SDK1: variants seen among roughly 807,000 people sequenced by gnomAD.
SDK1 encodes sidekick cell adhesion molecule 1.
Under a neutral mutation model 245.5 loss-of-function variants are expected in SDK1, and 157 were observed. The observed-to-expected ratio is 0.64, with a 90% CI of 0.56 to 0.73. The LOEUF is 0.73. Among genes scored for constraint, SDK1 ranks in the 30% least tolerant of loss-of-function variants. The pLI is 0.00. For synonymous variants in SDK1, 1,647 were observed against 1,278.5 expected, an observed-to-expected ratio of 1.29 and a Z score of -6.15; for missense variants, 3,583 against 3,002.3, an observed-to-expected ratio of 1.19 and a Z score of -4.52.
At chr7:3,796,070 C>CT (rs1778954425) in intron 4 of SDK1, among the ~76,000 whole-genome samples, 1 of 152,188 alleles carries the variant, frequency 6.6e-6, no homozygotes, top group African/African-American at 2.4e-5. Context: ...TAGTCTTTCT[C>CT]TTTCTTTGGC....
chr7:3,742,542 A>G (rs1212539530), intron 4 of SDK1, among the ~76,000 whole-genome samples: 1 of 152,158 alleles, frequency 6.6e-6, no homozygotes, highest in Admixed American at 6.5e-5. Context: ...GCCTTCATAC[A>G]GTCTGCCACC....
At chr7:3,564,382 G>C (rs1388178521) in intron 1 of SDK1, among the ~76,000 whole-genome samples, 1 of 152,036 alleles carries the variant, frequency 6.6e-6, no homozygotes, top group Non-Finnish European at 1.5e-5. Context: ...CAGCTGCTTT[G>C]GGAGGCCGAG....
chr7:3,354,934 A>G lies in SDK1; in HGVS notation c.298+53050A>G, dbSNP rs531420140. Among the ~76,000 whole-genome samples, 3 of 152,368 alleles carry G rather than the reference A, an allele frequency of 2.0e-5. No individual in the cohort carries two copies. The East Asian group carries it at 5.8e-4, about 29-fold the overall frequency. ...AGATGCTTAAAATAATCCACCAGCC[A>G]ACACTCACTACATGTGAAAGTGGTT... On this transcript the variant is annotated intron_variant, in intron 1 of 44. Coordinates refer to ENST00000404826, the MANE Select transcript of SDK1 (RefSeq NM_152744.4).
rs1787368479 is a variant in SDK1 at position 4,026,635 on chromosome 7, A to G, written c.2602+9283A>G. Among the ~76,000 whole-genome samples, 1 of 152,210 alleles carries G rather than the reference A, an allele frequency of 6.6e-6. No homozygotes were observed. On this transcript the variant is annotated intron_variant, in intron 17 of 44. Transcript: ENST00000404826. This position sits in a 1 kb window ranked among gnomAD's most constrained non-coding sequence, Gnocchi z 4.1. ...CACAAAACTTTTTAAGTGTTAAAGT[A>G]TTTTCTTCTGAAGGCCATCAGAAAA... is the stretch of plus-strand genomic sequence containing the variant.
chr7:3,731,974 T>A (rs1779191639), intron 4 of SDK1, among the ~76,000 whole-genome samples: 1 of 152,134 alleles, frequency 6.6e-6, no homozygotes, highest in African/African-American at 2.4e-5. Flanking sequence ...GTATTTTTAG[T>A]AGAGATGGGG....
intron 20 of SDK1, among the ~76,000 whole-genome samples, chr7:4,074,916 A>ATTTTTTTTTT (rs55899344): frequency 6.3e-4 from 41 of 64,586 alleles, no homozygotes; most frequent in African/African-American, 4.3e-3. Flanking sequence ...ATATATATAT[A>ATTTTTTTTTT]TTTTTTTTTT....
At position 3,399,608 on chromosome 7, in the gene SDK1, G is replaced by A. The variant is rs138778055; in HGVS notation, c.298+97724G>A. Among the ~76,000 whole-genome samples, 26 of 152,204 alleles carry A rather than the reference G, an allele frequency of 1.7e-4. No homozygotes were observed. The East Asian group carries it at 3.3e-3, about 19-fold the overall frequency. ...CTGTTGATAAGGCTGCTGTTACTTC[G>A]TATAGTGACTTCTCTGGACTAATCT... is the stretch of plus-strand genomic sequence containing the variant. On this transcript the variant is annotated intron_variant, in intron 1 of 44. Coordinates refer to ENST00000404826, the MANE Select transcript of SDK1 (RefSeq NM_152744.4).
chr7:4,125,923 TC>T (rs1228853894), intron 25 of SDK1, among the ~76,000 whole-genome samples: 1 of 152,090 alleles, frequency 6.6e-6, no homozygotes, highest in Non-Finnish European at 1.5e-5. Flanking sequence ...CATCTCCAGC[TC>T]CCACCCTGAG....
At chr7:3,595,692 A>G (rs56669571) in intron 1 of SDK1, among the ~76,000 whole-genome samples, 17,848 of 151,820 alleles carry the variant, frequency 0.12, 1,739 homozygotes, top group East Asian at 0.35. Context: ...GAACTAGTCA[A>G]AGTTACCAGT....
In SDK1 at chr7:3,339,721, C is replaced by T. The variant is rs570337918; in HGVS notation, c.298+37837C>T. Among the ~76,000 whole-genome samples, 7 of 152,036 alleles carry T rather than the reference C, an allele frequency of 4.6e-5. No individual in the cohort carries two copies. In the South Asian group the frequency reaches 1.5e-3, roughly 32 times the overall value. On this transcript the variant is annotated intron_variant, in intron 1 of 44. Coordinates refer to ENST00000404826, the MANE Select transcript of SDK1 (RefSeq NM_152744.4). ...ATGTTATTAAATATGTGGGATGTAG[C>T]TTAAAGCAGTCCCAAGAGGGAAATT... is the stretch of plus-strand genomic sequence containing the variant.
chr7:3,511,756 T>C (rs1264744544), intron 1 of SDK1, among the ~76,000 whole-genome samples: 1 of 151,662 alleles, frequency 6.6e-6, no homozygotes, highest in Non-Finnish European at 1.5e-5. Context: ...AAATCAACCA[T>C]TATTTTACCA....
chr7:3,464,841 A>G (rs1780944448), intron 1 of SDK1, among the ~76,000 whole-genome samples: 1 of 152,108 alleles, frequency 6.6e-6, no homozygotes, highest in Non-Finnish European at 1.5e-5. Flanking sequence ...ATTTTTAAAG[A>G]GTAAGTTGTG....
intron 31 of SDK1, among the ~76,000 whole-genome samples, chr7:4,160,723 C>T (rs1303569226): frequency 2.0e-5 from 3 of 152,190 alleles, no homozygotes; most frequent in African/African-American, 7.2e-5. Context: ...GCTGTATCAC[C>T]AGGGCTGTCA....
At chr7:3,449,026 A>G (rs754444612) in intron 1 of SDK1, among the ~76,000 whole-genome samples, 1 of 152,216 alleles carries the variant, frequency 6.6e-6, no homozygotes, top group Non-Finnish European at 1.5e-5. Flanking sequence ...TTTCTTCTGT[A>G]AAAGCAATAA....
intron 1 of SDK1, among the ~76,000 whole-genome samples, chr7:3,576,057 G>C (rs1299719956): frequency 6.6e-6 from 1 of 151,942 alleles, no homozygotes; most frequent in Non-Finnish European, 1.5e-5. Flanking sequence ...GAAAGATGAG[G>C]AAAATCACAA....
chr7:3,961,181 G>A (rs1185104476), intron 8 of SDK1, among the ~76,000 whole-genome samples: 1 of 152,218 alleles, frequency 6.6e-6, no homozygotes, highest in Non-Finnish European at 1.5e-5. Context: ...TTTTGACAGT[G>A]AAACTATAGC....
chr7:3,569,118 A>G (rs1248950554), intron 1 of SDK1, among the ~76,000 whole-genome samples: 1 of 151,518 alleles, frequency 6.6e-6, no homozygotes. Flanking sequence ...TTTAAAATTT[A>G]TATCTCGCTT....
intron 31 of SDK1, among the ~76,000 whole-genome samples, chr7:4,161,144 A>G (rs1781093268): frequency 6.6e-6 from 1 of 152,202 alleles, no homozygotes; most frequent in African/African-American, 2.4e-5. Flanking sequence ...AGAGGGGCAC[A>G]GAAGACCTCT....
At chr7:4,071,338 T>TA (rs1021096464) in intron 20 of SDK1, among the ~76,000 whole-genome samples, 6 of 152,266 alleles carry the variant, frequency 3.9e-5, no homozygotes, top group South Asian at 4.1e-4. Flanking sequence ...CCTTAACTTT[T>TA]AAAAAAAGTA....
Sources: gnomAD v4.1 joint callset for allele counts (sites outside exome capture counted in the v4.1 genomes callset) on GRCh38, gnomAD v4.1.1 for gene constraint, Gnocchi (gnomAD v3.1) non-coding constraint, MANE v1.5 for transcripts, NCBI Gene and HGNC (gene_info 2026-07-23, HGNC 2026-07-21) for gene names.